Variants in CFAP53 observed in about 807,000 individuals in gnomAD.
CFAP53 encodes the protein cilia and flagella associated protein 53.
In CFAP53, 62 loss-of-function variants were observed where a neutral mutation model predicts 59.7. The observed-to-expected ratio is 1.04, with a 90% CI of 0.85 to 1.28. The LOEUF is 1.28. CFAP53 is among the 50% of genes most tolerant of loss of function. CFAP53 has a pLI of 0.00. For synonymous variants in CFAP53, 218 were observed against 205.7 expected (o/e 1.06, Z -0.51); for missense variants, 629 against 615.6 (o/e 1.02, Z -0.23).
intron 4 of CFAP53, 140 bp from the exon 5 acceptor site, chr18:50,251,116 C>T (rs2033794911): frequency 1.4e-6 from 1 of 740,164 alleles, no homozygotes; most frequent in Admixed American, 2.7e-5. Flanking sequence ...AGAAAGAAAA[C>T]CTTCCTTTTC....
At chr18:50,234,150 A>G (rs904619604) in intron 7 of CFAP53, among the ~76,000 whole-genome samples, 1 of 152,220 alleles carries the variant, frequency 6.6e-6, no homozygotes, top group African/African-American at 2.4e-5. Context: ...TGGAAGCTAT[A>G]TGACAACAAT....
chr18:50,250,219 C>CAAA (rs58912526), intron 5 of CFAP53, among the ~76,000 whole-genome samples: 2 of 117,628 alleles, frequency 1.7e-5, no homozygotes, highest in Non-Finnish European at 1.8e-5. Context: ...ACCCCTGTCT[C>CAAA]AAAAAAAAAA....
At chr18:50,253,161 C>T (rs1300110954) in intron 3 of CFAP53, among the ~76,000 whole-genome samples, 4 of 152,108 alleles carry the variant, frequency 2.6e-5, no homozygotes, top group Admixed American at 6.5e-5. Context: ...GGACCACAGG[C>T]GCCCACCACC....
At chr18:50,252,401 G>C (rs2144424523) in intron 3 of CFAP53, among the ~76,000 whole-genome samples, 1 of 152,122 alleles carries the variant, frequency 6.6e-6, no homozygotes, top group East Asian at 1.9e-4. Flanking sequence ...ACCGTACCCA[G>C]CTGCTCACTT....
intron 5 of CFAP53, among the ~76,000 whole-genome samples, chr18:50,245,830 AG>A (rs1236811134): frequency 6.6e-6 from 1 of 152,134 alleles, no homozygotes; most frequent in Non-Finnish European, 1.5e-5. Context: ...AAAAGAACAA[AG>A]TTTGAGGATT....
chr18:50,239,397 A>T (rs891396286), intron 6 of CFAP53, among the ~76,000 whole-genome samples: 1 of 152,172 alleles, frequency 6.6e-6, no homozygotes, highest in Non-Finnish European at 1.5e-5. Flanking sequence ...TAAGTTAAAA[A>T]TATTTAAGCA....
intron 5 of CFAP53, 95 bp from the exon 6 acceptor site, chr18:50,243,211 A>C: frequency 3.7e-6 from 3 of 817,114 alleles, no homozygotes; most frequent in Non-Finnish European, 5.9e-6. Context: ...TCCAATCCCA[A>C]TCTTTTAGAA....
At chr18:50,250,623 A>C in intron 5 of CFAP53, 135 bp downstream of exon 5, 1 of 676,372 alleles carries the variant, frequency 1.5e-6, no homozygotes, top group South Asian at 1.8e-5. Context: ...ATTTTCCCAG[A>C]TGGTGCTGAT....
At chr18:50,257,660 AATATTATTAAAACTTCTATAC>A in intron 3 of CFAP53, among the ~76,000 whole-genome samples, 1 of 152,370 alleles carries the variant, frequency 6.6e-6, no homozygotes, top group Admixed American at 6.5e-5. Context: ...TGGAAGAATC[AATATTATTAAAACTTCTATAC>A]TACCCAAAGC....
chr18:50,254,679 G>A (rs1167702032), intron 3 of CFAP53, among the ~76,000 whole-genome samples: 2 of 152,050 alleles, frequency 1.3e-5, no homozygotes, highest in Non-Finnish European at 2.9e-5. Context: ...ACCTAAGGTC[G>A]GGAGTTCAAG....
At chr18:50,240,201 C>T (rs545247728) in intron 6 of CFAP53, among the ~76,000 whole-genome samples, 1 of 151,984 alleles carries the variant, frequency 6.6e-6, no homozygotes, top group South Asian at 2.1e-4. Flanking sequence ...ATTCAGATTA[C>T]CTGCTCCACC....
intron 3 of CFAP53, 76 bp from the exon 4 acceptor site, chr18:50,251,860 A>AT: frequency 3.9e-6 from 5 of 1,272,004 alleles, no homozygotes; most frequent in Non-Finnish European, 5.5e-6. Context: ...CATCTGTACA[A>AT]TCACACAATG....
chr18:50,231,853 A>G (rs75546914), intron 7 of CFAP53, among the ~76,000 whole-genome samples: 68 of 152,312 alleles, frequency 4.5e-4, no homozygotes, highest in African/African-American at 1.5e-3. Flanking sequence ...GGAGTCAGCC[A>G]GCCATTCTGT....
At chr18:50,250,678 T>A (rs1238008212) in intron 5 of CFAP53, 80 bp downstream of exon 5, 2 of 1,114,146 alleles carry the variant, frequency 1.8e-6, no homozygotes, top group African/African-American at 3.1e-5. Flanking sequence ...TGCTATATAT[T>A]TGAAGCCATC....
chr18:50,235,066 C>G (rs1599114184), intron 7 of CFAP53, among the ~76,000 whole-genome samples: 1 of 152,206 alleles, frequency 6.6e-6, no homozygotes, highest in African/African-American at 2.4e-5. Flanking sequence ...GCAGGAGGCA[C>G]CTGCATGCTG....
At chr18:50,232,596 A>G (rs2033593573) in intron 7 of CFAP53, among the ~76,000 whole-genome samples, 1 of 152,352 alleles carries the variant, frequency 6.6e-6, no homozygotes, top group Non-Finnish European at 1.5e-5. Context: ...GCCACTGGAA[A>G]AAAGACTGCC....
chr18:50,243,492 T>C (rs2033713101), intron 5 of CFAP53, among the ~76,000 whole-genome samples: 1 of 152,268 alleles, frequency 6.6e-6, no homozygotes. Flanking sequence ...GATACAGCTT[T>C]ATTTTCATTT....
chr18:50,250,371 A>G (rs1452298700), intron 5 of CFAP53, among the ~76,000 whole-genome samples: 4 of 152,244 alleles, frequency 2.6e-5, no homozygotes, highest in African/African-American at 9.6e-5. Flanking sequence ...ACGTATAGGT[A>G]GTTAACTCAA....
chr18:50,248,210 G>A (rs1046929909), intron 5 of CFAP53, among the ~76,000 whole-genome samples: 4 of 151,124 alleles, frequency 2.6e-5, no homozygotes, highest in South Asian at 2.1e-4. Flanking sequence ...TAGAAAACAG[G>A]CTCATAAAAA....
Sources: gnomAD v4.1 joint callset for allele counts (sites outside exome capture counted in the v4.1 genomes callset) on GRCh38, gnomAD v4.1.1 for gene constraint, MANE v1.5 for transcripts, NCBI Gene and HGNC (gene_info 2026-07-23, HGNC 2026-07-21) for gene names.